DOCK5: variants seen among roughly 807,000 people sequenced by gnomAD.
The protein encoded by DOCK5 is dedicator of cytokinesis protein 5.
Under a neutral mutation model 251.8 loss-of-function variants are expected in DOCK5, and 142 were observed. That is an observed-to-expected ratio of 0.56 (90% CI 0.49 to 0.65). DOCK5 has a LOEUF of 0.65. Ranked by LOEUF, DOCK5 falls within the 30% of genes least tolerant of loss-of-function variation. The probability of loss-of-function intolerance (pLI) is 0.00; values close to 1 mark genes in which losing one functional copy is unlikely to be tolerated. For synonymous variants in DOCK5, 842 were observed against 835.5 expected, an observed-to-expected ratio of 1.01 and a Z score of -0.13; for missense variants, 2,111 against 2,312.3, an observed-to-expected ratio of 0.91 and a Z score of 1.79.
At chr8:25,343,690 T>C (rs1800300121) in intron 25 of DOCK5, among the ~76,000 whole-genome samples, 1 of 152,242 alleles carries the variant, frequency 6.6e-6, no homozygotes, top group Non-Finnish European at 1.5e-5. Context: ...GAGAGCTGGT[T>C]ACATGCATCC....
intron 6 of DOCK5, among the ~76,000 whole-genome samples, chr8:25,293,857 A>G (rs1046718535): frequency 6.6e-6 from 1 of 152,200 alleles, no homozygotes; most frequent in Non-Finnish European, 1.5e-5. Flanking sequence ...TATAAAAATT[A>G]GCTGGGCATG....
chr8:25,390,168 G>T (rs373398235), intron 41 of DOCK5, 38 bp from the exon 42 acceptor site: 4 of 1,537,330 alleles, frequency 2.6e-6, no homozygotes, highest in South Asian at 1.2e-5. Context: ...ACACCTTCAC[G>T]ACCCCAGCCC....
intron 1 of DOCK5, among the ~76,000 whole-genome samples, chr8:25,228,878 T>G (rs981696337): frequency 6.6e-6 from 1 of 152,178 alleles, no homozygotes; most frequent in African/African-American, 2.4e-5. Context: ...TTACTTTTTT[T>G]CCTACAGGAA....
At chr8:25,245,048 A>G (rs1803062800) in intron 2 of DOCK5, among the ~76,000 whole-genome samples, 1 of 152,004 alleles carries the variant, frequency 6.6e-6, no homozygotes. Flanking sequence ...AGCTCTTCCA[A>G]TCTTTTTATT....
chr8:25,255,919 A>G (rs150829781), intron 2 of DOCK5, among the ~76,000 whole-genome samples: 188 of 152,314 alleles, frequency 1.2e-3, no homozygotes, highest in African/African-American at 4.2e-3. Flanking sequence ...GAGTACACCC[A>G]TTCTGTTTCA....
chr8:25,363,856 G>A (rs1319234973), intron 29 of DOCK5, among the ~76,000 whole-genome samples: 1 of 152,170 alleles, frequency 6.6e-6, no homozygotes, highest in Non-Finnish European at 1.5e-5. Flanking sequence ...ATTCCATAAG[G>A]TTCTTCTGAA....
rs111718100 is a variant in DOCK5, at chr8:25,371,253, T to C, written c.3525-1306T>C. On this transcript the variant is annotated intron_variant, in intron 34 of 51. Coordinates refer to ENST00000276440, the MANE Select transcript of DOCK5 (RefSeq NM_024940.8). ...TTTCAGTAGAGATGGGGTTTCACGA[T>C]GTTGGCCAGGGTGGTCTCCATCTCT... Among the ~76,000 whole-genome samples the C allele has an allele frequency of 3.1e-3, 467 of 152,260 alleles. 2 individuals carry two copies. Among genetic ancestry groups the C allele is most frequent in the African/African-American group, 0.01 (436 of 41,536 alleles).
At chr8:25,205,489 A>G (rs1586227240) in intron 1 of DOCK5, among the ~76,000 whole-genome samples, 4 of 152,346 alleles carry the variant, frequency 2.6e-5, no homozygotes, top group African/African-American at 9.6e-5. Context: ...ACTGAGACAC[A>G]GGGAGTTGCG....
intron 51 of DOCK5, among the ~76,000 whole-genome samples, chr8:25,410,816 G>A (rs917160754): frequency 1.3e-5 from 2 of 151,546 alleles, no homozygotes; most frequent in Admixed American, 6.6e-5. Flanking sequence ...ATAAAGGACA[G>A]TCATTCTGGA....
At chr8:25,259,698 C>T (rs146087852) in intron 2 of DOCK5, among the ~76,000 whole-genome samples, 19 of 152,200 alleles carry the variant, frequency 1.2e-4, no homozygotes, top group African/African-American at 4.1e-4. Flanking sequence ...TGTCCTCAAG[C>T]GATCCTCCTG....
intron 26 of DOCK5, among the ~76,000 whole-genome samples, chr8:25,349,614 A>G (rs778913728): frequency 2.6e-5 from 4 of 152,226 alleles, no homozygotes; most frequent in African/African-American, 4.8e-5. Flanking sequence ...GTCTTTTGCA[A>G]TAACTTAGGT....
At chr8:25,380,727 A>G (rs193086047) in intron 39 of DOCK5, among the ~76,000 whole-genome samples, 84 of 152,196 alleles carry the variant, frequency 5.5e-4, no homozygotes, top group African/African-American at 2.0e-3. Context: ...TCCTGAAGCC[A>G]TTTTTCTTTC....
intron 7 of DOCK5, 125 bp downstream of exon 7, chr8:25,296,773 T>A: frequency 8.1e-7 from 1 of 1,229,264 alleles, no homozygotes; most frequent in Non-Finnish European, 1.1e-6. Context: ...ATTTTAAAAG[T>A]GAAACATAGC....
intron 2 of DOCK5, among the ~76,000 whole-genome samples, chr8:25,265,387 A>T (rs1480479898): frequency 6.6e-6 from 1 of 151,790 alleles, no homozygotes; most frequent in East Asian, 1.9e-4. Flanking sequence ...TCTTTCTTTG[A>T]ACTTCAGGCT....
intron 28 of DOCK5, 95 bp downstream of exon 28, chr8:25,359,156 T>C: frequency 9.6e-7 from 1 of 1,045,962 alleles, no homozygotes; most frequent in South Asian, 1.3e-5. Flanking sequence ...CAGGGTTCTC[T>C]TCCCACGCAC....
chr8:25,234,960 T>C (rs1360841801), intron 1 of DOCK5, among the ~76,000 whole-genome samples: 3 of 151,854 alleles, frequency 2.0e-5, no homozygotes, highest in Admixed American at 6.6e-5. Flanking sequence ...GATGAGGGGT[T>C]AGTGTCCATC....
chr8:25,308,838 A>G lies in DOCK5; in HGVS notation c.1105A>G (p.Thr369Ala). Residue 369 changes from threonine (T) to alanine (A), a missense_variant, in exon 12 of 52, where the codon ACA (threonine) becomes GCA (alanine). Around this residue, in one of 3 missense-constraint regions of DOCK5, gnomAD observed 1,717 missense variants for 1,892.4 expected, o/e 0.91. Coordinates refer to ENST00000276440, the MANE Select transcript of DOCK5 (RefSeq NM_024940.8). ...GCAGCTCATCATGTCGCCTTTGATA[A>G]CATCACACGTGATTGGGGAGAATGA... is the stretch of plus-strand genomic sequence containing the variant. ...QRQLIMSPLI[T>A]SHVIGENEPL... 1 of 1,613,932 alleles carries G rather than the reference A, an allele frequency of 6.2e-7. No individual in the cohort carries two copies.
intron 26 of DOCK5, among the ~76,000 whole-genome samples, chr8:25,345,884 C>T (rs568829008): frequency 1.3e-5 from 2 of 152,152 alleles, no homozygotes; most frequent in African/African-American, 2.4e-5. Flanking sequence ...GAGTCTCGCT[C>T]TGTCGCCCAG....
At chr8:25,323,140 C>T (rs1805470620) in intron 16 of DOCK5, among the ~76,000 whole-genome samples, 2 of 152,102 alleles carry the variant, frequency 1.3e-5, no homozygotes, top group African/African-American at 2.4e-5. Flanking sequence ...AGACTGGCCC[C>T]GAAGACCAAG....
Sources: allele counts gnomAD v4.1 joint callset (sites outside exome capture counted in the v4.1 genomes callset), GRCh38; gene constraint gnomAD v4.1.1; regional missense constraint gnomAD v4.1.1; transcripts MANE v1.5; gene names NCBI Gene and HGNC (gene_info 2026-07-23, HGNC 2026-07-21).